Variants in KIF26B observed in about 807,000 individuals in gnomAD.
The protein encoded by KIF26B is kinesin-like protein KIF26B.
In KIF26B, 63 loss-of-function variants were observed where a neutral mutation model predicts 151.2. The ratio of observed to expected loss-of-function variants is 0.42; its 90% CI spans 0.34 to 0.51. The LOEUF (loss-of-function observed/expected upper bound fraction) is 0.51, where lower values mean the gene tolerates loss of function less well. KIF26B is among the 20% of genes least tolerant of loss of function. The pLI is 0.07. For missense variants in KIF26B, 2,813 were observed against 2,913.6 expected (o/e 0.97, Z 0.79); for synonymous variants, 1,357 against 1,262.1 (o/e 1.08, Z -1.59).
At chr1:245,475,301 C>A (rs1036755717) in intron 4 of KIF26B, among the ~76,000 whole-genome samples, 1 of 151,794 alleles carries the variant, frequency 6.6e-6, no homozygotes, top group Non-Finnish European at 1.5e-5. Flanking sequence ...CATACTTGTA[C>A]ATGCTTCTTG....
At chr1:245,529,736 G>T (rs988766911) in intron 4 of KIF26B, among the ~76,000 whole-genome samples, 1 of 152,092 alleles carries the variant, frequency 6.6e-6, no homozygotes, top group Non-Finnish European at 1.5e-5. Context: ...GAAACATTGA[G>T]GAAACCCCCC....
chr1:245,393,873 A>C (rs1673758999), intron 3 of KIF26B, among the ~76,000 whole-genome samples: 1 of 152,174 alleles, frequency 6.6e-6, no homozygotes. Flanking sequence ...TATTCTCTCC[A>C]AGAACAAACC....
intron 4 of KIF26B, among the ~76,000 whole-genome samples, chr1:245,428,989 T>TGGGGGGGGGGGG (rs1558162150): frequency 1.0e-3 from 82 of 81,748 alleles, no homozygotes; most frequent in East Asian, 1.7e-3. Context: ...GGGGCGGGGG[T>TGGGGGGGGGGGG]GGGGGGCAGT....
chr1:245,322,055 G>T (rs904114937), intron 2 of KIF26B, among the ~76,000 whole-genome samples: 3 of 152,172 alleles, frequency 2.0e-5, no homozygotes, highest in Non-Finnish European at 2.9e-5. Context: ...AAAAGAATGA[G>T]TTCATGTTCT....
chr1:245,405,673 G>A (rs1674119036), intron 3 of KIF26B, among the ~76,000 whole-genome samples: 1 of 151,778 alleles, frequency 6.6e-6, no homozygotes, highest in African/African-American at 2.4e-5. Context: ...ACGGGCTGTG[G>A]CGTGAACTAG....
At chr1:245,661,562 TTATA>T (rs550631263) in intron 10 of KIF26B, among the ~76,000 whole-genome samples, 14 of 149,696 alleles carry the variant, frequency 9.4e-5, no homozygotes, top group Non-Finnish European at 7.4e-5. Context: ...ACACCCAATG[TTATA>T]TATATATATA....
chr1:245,432,448 A>G (rs535294721), intron 4 of KIF26B, among the ~76,000 whole-genome samples: 1 of 152,324 alleles, frequency 6.6e-6, no homozygotes, highest in Non-Finnish European at 1.5e-5. Flanking sequence ...GCTGCCTGGG[A>G]CAATAAACCA....
chr1:245,279,942 GGCT>G (rs1420739725), intron 2 of KIF26B, among the ~76,000 whole-genome samples: 70 of 151,756 alleles, frequency 4.6e-4, no homozygotes, highest in African/African-American at 1.7e-3. Context: ...TCATTGATTT[GGCT>G]GCTTAAATCA....
chr1:245,462,930 C>A (rs1423435085), intron 4 of KIF26B, among the ~76,000 whole-genome samples: 1 of 152,204 alleles, frequency 6.6e-6, no homozygotes, highest in African/African-American at 2.4e-5. Context: ...GAGACAACTT[C>A]TGCCCAGTTT....
chr1:245,234,756 T>G (rs189784492), intron 2 of KIF26B, among the ~76,000 whole-genome samples: 1 of 152,308 alleles, frequency 6.6e-6, no homozygotes, highest in East Asian at 1.9e-4. Flanking sequence ...GCTGAAAGCT[T>G]TTGACTTGCG....
In KIF26B at chr1:245,218,471, G is replaced by T. The variant is rs1041326410; in HGVS notation, c.465+61788G>T. Reference sequence around the variant, plus strand: ...ATAAAAGAAGAGCAGAGGAGGGTGAGTGAGGAAAAAGCAGGAGGGTATTGG... The same window carrying T: ...ATAAAAGAAGAGCAGAGGAGGGTGATTGAGGAAAAAGCAGGAGGGTATTGG... On this transcript the variant is annotated intron_variant, in intron 2 of 14. Coordinates refer to ENST00000407071, the MANE Select transcript of KIF26B (RefSeq NM_018012.4). The surrounding 1 kb of genome is among the most constrained non-coding windows in gnomAD (Gnocchi z 4.1). Among the ~76,000 whole-genome samples, 6 of 152,198 alleles carry T rather than the reference G, an allele frequency of 3.9e-5. No individual in the cohort carries two copies. Among genetic ancestry groups the T allele is most frequent in the Non-Finnish European group, 8.8e-5 (6 of 68,032 alleles).
In KIF26B at chr1:245,667,320, C is replaced by T. The variant is rs1033807849; in HGVS notation, c.2259-16913C>T. On this transcript the variant is annotated intron_variant, in intron 10 of 14. Transcript: ENST00000407071. This position sits in a 1 kb window ranked among gnomAD's most constrained non-coding sequence, Gnocchi z 4.3. Reference sequence around the variant, plus strand: ...CCTCCCAAGTAGCTGGGACAACAGGCGTGTGCCACCATGCCCGGCTACTTT... The same window carrying T: ...CCTCCCAAGTAGCTGGGACAACAGGTGTGTGCCACCATGCCCGGCTACTTT... 2.0e-5 allele frequency among the ~76,000 whole-genome samples: 3 copies of T among 152,132 alleles called. No individual in the cohort carries two copies. The highest frequency in any genetic ancestry group is 1.3e-4 in the Admixed American group (2 of 15,278).
At chr1:245,517,154 C>T (rs576949007) in intron 4 of KIF26B, among the ~76,000 whole-genome samples, 6 of 152,232 alleles carry the variant, frequency 3.9e-5, no homozygotes, top group South Asian at 2.1e-4. Flanking sequence ...GTCAGGAGTT[C>T]GAGACCAGCC....
chr1:245,334,269 T>C (rs938257519), intron 2 of KIF26B, among the ~76,000 whole-genome samples: 1 of 152,262 alleles, frequency 6.6e-6, no homozygotes, highest in Non-Finnish European at 1.5e-5. Context: ...CATAGGTGGC[T>C]ACTAACTTAA....
chr1:245,225,514 T>A (rs981347198), intron 2 of KIF26B, among the ~76,000 whole-genome samples: 2 of 152,242 alleles, frequency 1.3e-5, no homozygotes, highest in African/African-American at 4.8e-5. Context: ...AGAAGAGGAA[T>A]GAGCCTATTG....
At position 245,684,286 on chromosome 1, in the gene KIF26B, G is replaced by A. The variant is rs771134927; in HGVS notation, c.2312G>A (p.Arg771His). 16 of 1,613,830 alleles carry A rather than the reference G, an allele frequency of 9.9e-6. No homozygotes were observed. The highest frequency in any genetic ancestry group is 3.3e-5 in the South Asian group (3 of 91,078). The change falls in exon 11 of 15, where the codon CGT becomes CAT. Residue 771 changes from arginine (R) to histidine (H), a missense_variant. Around this residue, in one of 3 missense-constraint regions of KIF26B, gnomAD observed 2,060 missense variants for 2,088.6 expected, o/e 0.99. Coordinates refer to ENST00000407071, the MANE Select transcript of KIF26B (RefSeq NM_018012.4). ...GAGTCTCTGGGGAACATGAACTGCCGTACCACCATGATCGCGCACATCTCG... is the reference window on the plus strand; with the variant it reads ...GAGTCTCTGGGGAACATGAACTGCCATACCACCATGATCGCGCACATCTCG... ...LRESLGNMNCRTTMIAHISAA... is the reference protein window; with the variant it reads ...LRESLGNMNCHTTMIAHISAA...
intron 10 of KIF26B, among the ~76,000 whole-genome samples, chr1:245,671,464 ACCGGGGG>A (rs1015529099): frequency 4.6e-5 from 7 of 152,294 alleles, no homozygotes; most frequent in South Asian, 2.1e-4. Flanking sequence ...AATGGTGGTT[ACCGGGGG>A]CCGGGGGAGT....
chr1:245,673,391 C>T (rs949726026), intron 10 of KIF26B, among the ~76,000 whole-genome samples: 5 of 142,426 alleles, frequency 3.5e-5, no homozygotes, highest in Non-Finnish European at 3.1e-5. Flanking sequence ...GCGCTGCCAT[C>T]TTAGGCCCAG....
rs1669169745 is a variant in KIF26B at position 245,195,117 on chromosome 1, C to T, written c.465+38434C>T. Among the ~76,000 whole-genome samples, 5 of 152,172 alleles carry T rather than the reference C, an allele frequency of 3.3e-5. No homozygotes were observed. The South Asian group carries it at 1.0e-3, about 32-fold the overall frequency. On this transcript the variant is annotated intron_variant, in intron 2 of 14. Coordinates refer to ENST00000407071, the MANE Select transcript of KIF26B (RefSeq NM_018012.4). ...TGGGGAGGAGGGATTCCTTTACACA[C>T]ATCCTTCAGAAAGCCACCATTGTAT...
Sources: allele counts gnomAD v4.1 joint callset (sites outside exome capture counted in the v4.1 genomes callset), GRCh38; gene constraint gnomAD v4.1.1; regional missense constraint gnomAD v4.1.1; non-coding constraint Gnocchi (gnomAD v3.1); transcripts MANE v1.5; gene names NCBI Gene and HGNC (gene_info 2026-07-23, HGNC 2026-07-21).